The following SNAP91 variants were observed in gnomAD, a reference collection of about 807,000 sequenced individuals.
The protein encoded by SNAP91 is synaptosome associated protein 91.
A neutral mutation model predicts 100.3 loss-of-function variants in SNAP91; 27 were observed. The ratio of observed to expected loss-of-function variants is 0.27; its 90% CI spans 0.20 to 0.37. The LOEUF is 0.37. Among genes scored for constraint, SNAP91 ranks in the 10% least tolerant of loss-of-function variants. The probability of loss-of-function intolerance (pLI) is 1.00; values close to 1 mark genes in which losing one functional copy is unlikely to be tolerated. For missense variants in SNAP91, 986 were observed against 1,123.7 expected, an observed-to-expected ratio of 0.88 and a Z score of 1.75; for synonymous variants, 404 against 398.6, an observed-to-expected ratio of 1.01 and a Z score of -0.16.
intron 26 of SNAP91, among the ~76,000 whole-genome samples, chr6:83,572,291 G>A (rs932885516): frequency 2.0e-5 from 3 of 151,956 alleles, no homozygotes; most frequent in Non-Finnish European, 2.9e-5. Flanking sequence ...TGTCGCCCAC[G>A]GCTGGAGTGT....
chr6:83,609,417 C>T (rs2095849687), intron 12 of SNAP91, among the ~76,000 whole-genome samples: 1 of 152,108 alleles, frequency 6.6e-6, no homozygotes, highest in South Asian at 2.1e-4. Context: ...GAGCTTTTCA[C>T]TTGTTTGTTT....
At chr6:83,605,075 T>C (rs534143918) in intron 14 of SNAP91, among the ~76,000 whole-genome samples, 13 of 152,202 alleles carry the variant, frequency 8.5e-5, no homozygotes, top group African/African-American at 3.1e-4. Flanking sequence ...TTAAATCAAA[T>C]ATTTATAAAA....
Position 83,583,673 on chromosome 6 carries a change from T to C in SNAP91, c.2015-1317A>G, listed in dbSNP as rs1831684137. On this transcript the variant is annotated intron_variant, in intron 22 of 29. Coordinates refer to ENST00000369694, the MANE Select transcript of SNAP91 (RefSeq NM_001242792.2). ...TTCCTACATAAAGTTTAAGTATATA[T>C]TCCTTTCAAATCCAGCCACATTGTC... 2.0e-5 allele frequency among the ~76,000 whole-genome samples: 3 copies of C among 152,228 alleles called. No individual in the cohort carries two copies. In the South Asian group the frequency reaches 6.2e-4, roughly 31 times the overall value.
intron 2 of SNAP91, among the ~76,000 whole-genome samples, chr6:83,699,070 A>C (rs576997441): frequency 6.6e-6 from 1 of 152,196 alleles, no homozygotes; most frequent in African/African-American, 2.4e-5. Context: ...AGGTGCTCTC[A>C]GAATGGCAGC....
intron 7 of SNAP91, among the ~76,000 whole-genome samples, chr6:83,641,937 A>G (rs1470734957): frequency 1.3e-5 from 2 of 152,170 alleles, no homozygotes; most frequent in African/African-American, 4.8e-5. Flanking sequence ...TTGCAATATG[A>G]GAGTATAATT....
At position 83,575,030 on chromosome 6, in the gene SNAP91, C is replaced by G; in HGVS notation, c.2422G>C (p.Val808Leu). ...CATACCAAAGGTGCACTTGGTGGAA[C>G]GCCTGCTGACCAGGTTGCTGGAGCT... ...KVAPATWSAG[V>L]PPSAPLQGAV... Residue 808 changes from valine (V) to leucine (L), a missense_variant, in exon 26 of 30, where the codon GTT becomes CTT. Physicochemically the swap from Val to Leu is conservative, Grantham distance 32. Coordinates refer to ENST00000369694, the MANE Select transcript of SNAP91 (RefSeq NM_001242792.2). The G allele has an allele frequency of 6.3e-7, 1 of 1,596,792 alleles. No homozygotes were observed.
At chr6:83,605,010 C>T (rs2095520714) in intron 14 of SNAP91, among the ~76,000 whole-genome samples, 1 of 152,098 alleles carries the variant, frequency 6.6e-6, no homozygotes, top group Non-Finnish European at 1.5e-5. Context: ...CAACTCTTTG[C>T]AGCTTTGAGC....
rs1823362813 is a variant in SNAP91, at chr6:83,578,618, T to C, written c.2299+1832A>G. Among the ~76,000 whole-genome samples the C allele has an allele frequency of 2.0e-5, 3 of 152,244 alleles. No individual in the cohort carries two copies. The South Asian group carries it at 6.2e-4, about 31-fold the overall frequency. On this transcript the variant is annotated intron_variant, in intron 24 of 29. Coordinates refer to ENST00000369694, the MANE Select transcript of SNAP91 (RefSeq NM_001242792.2). The stretch of plus-strand genomic sequence containing the variant: ...ATTATTGAATTGTTAGAGTTCTTTA[T>C]TCTGAGTACAAGTCTCTTATCTGAT...
chr6:83,581,091 G>T (rs1827723492), intron 23 of SNAP91, among the ~76,000 whole-genome samples: 1 of 152,134 alleles, frequency 6.6e-6, no homozygotes, highest in African/African-American at 2.4e-5. Context: ...CTTCTAATGT[G>T]CTTTATGGTG....
In SNAP91 at chr6:83,665,538, C is replaced by A. The variant is rs571217622; in HGVS notation, c.174G>T (p.Gln58His). Reference sequence around the variant, plus strand: ...CCCGCTCAAAGAGAGTGTCGGCCATCTGAGGAATATTAACATTGGTCTCGT... The same window carrying A: ...CCCGCTCAAAGAGAGTGTCGGCCATATGAGGAATATTAACATTGGTCTCGT... ...ATNETNVNIP[Q>H]MADTLFERAT... The change falls in exon 3 of 30, where the codon CAG (glutamine) becomes CAT (histidine). Residue 58 changes from glutamine to histidine, a missense_variant. Physicochemically the swap from Gln to His is conservative, Grantham distance 24. Coordinates refer to ENST00000369694, the MANE Select transcript of SNAP91 (RefSeq NM_001242792.2). The A allele has an allele frequency of 1.2e-6, 2 of 1,612,614 alleles. No homozygotes were observed. The highest frequency in any genetic ancestry group is 2.7e-5 in the African/African-American group (2 of 74,868).
chr6:83,648,208 C>T (rs912504684), intron 7 of SNAP91, among the ~76,000 whole-genome samples: 13 of 152,144 alleles, frequency 8.5e-5, no homozygotes, highest in Admixed American at 4.6e-4. Context: ...AATAGCCATA[C>T]ATTACACACT....
chr6:83,668,722 T>C (rs1257170493), intron 2 of SNAP91, among the ~76,000 whole-genome samples: 1 of 152,050 alleles, frequency 6.6e-6, no homozygotes, highest in Non-Finnish European at 1.5e-5. Flanking sequence ...GAGATGTACC[T>C]AATGTAAGTG....
intron 11 of SNAP91, among the ~76,000 whole-genome samples, chr6:83,611,211 C>G (rs989514666): frequency 1.3e-5 from 2 of 152,062 alleles, no homozygotes; most frequent in Admixed American, 6.5e-5. Context: ...TTTTCCCCCC[C>G]CATGGCTGTA....
intron 22 of SNAP91, among the ~76,000 whole-genome samples, chr6:83,584,560 C>T (rs1392870788): frequency 6.6e-6 from 1 of 152,100 alleles, no homozygotes; most frequent in African/African-American, 2.4e-5. Context: ...CCAACATTGG[C>T]CCAGGGCTCA....
At chr6:83,657,819 T>G (rs949092727) in intron 6 of SNAP91, among the ~76,000 whole-genome samples, 6 of 151,548 alleles carry the variant, frequency 4.0e-5, no homozygotes, top group Admixed American at 2.6e-4. Context: ...TAGACTGGAG[T>G]GCAGTGGCAT....
At position 83,656,793 on chromosome 6, in the gene SNAP91, G is replaced by T. The variant is rs1671364384; in HGVS notation, c.619C>A (p.Leu207Ile). ...FMLLFKDLIKLFACYNDGVIN... is the reference protein window; with the variant it reads ...FMLLFKDLIKIFACYNDGVIN... ...ACACCATCATTGTAGCAAGCAAAAA[G>T]TTTGATAAGATCTTTGAAAAGAAGC... Residue 207 changes from leucine to isoleucine, a missense_variant, in exon 7 of 30, where the codon CTT becomes ATT. Leu to Ile is a conservative substitution (Grantham distance 5). Transcript: ENST00000369694. 3 of 1,605,250 alleles carry T rather than the reference G, an allele frequency of 1.9e-6. No individual in the cohort carries two copies. Among genetic ancestry groups the T allele is most frequent in the Non-Finnish European group, 2.6e-6 (3 of 1,175,044 alleles).
intron 2 of SNAP91, chr6:83,690,202 T>C: frequency 1.1e-6 from 1 of 881,438 alleles, no homozygotes; most frequent in Non-Finnish European, 1.4e-6. Context: ...AATATTTGAA[T>C]TTTTTTCAGG....
At chr6:83,668,725 TGTAA>T (rs765574364) in intron 2 of SNAP91, among the ~76,000 whole-genome samples, 7 of 152,080 alleles carry the variant, frequency 4.6e-5, no homozygotes, top group Non-Finnish European at 1.0e-4. Context: ...ATGTACCTAA[TGTAA>T]GTGACGAGTA....
intron 3 of SNAP91, among the ~76,000 whole-genome samples, chr6:83,664,690 TAAC>T (rs1286414735): frequency 6.6e-6 from 1 of 152,032 alleles, no homozygotes; most frequent in East Asian, 1.9e-4. Flanking sequence ...ATTGTTGAAA[TAAC>T]AACAAAGGAT....
Sources: allele counts gnomAD v4.1 joint callset (sites outside exome capture counted in the v4.1 genomes callset), GRCh38; gene constraint gnomAD v4.1.1; transcripts MANE v1.5; gene names NCBI Gene and HGNC (gene_info 2026-07-23, HGNC 2026-07-21).